CCDC178: variants seen among roughly 807,000 people sequenced by gnomAD.
CCDC178 encodes coiled-coil domain containing 178.
Under a neutral mutation model 117.4 loss-of-function variants are expected in CCDC178, and 126 were observed. That is an observed-to-expected ratio of 1.07 (90% CI 0.93 to 1.24). The LOEUF is 1.24. Ranked by LOEUF, CCDC178 falls within the 50% of genes most tolerant of loss-of-function variation. CCDC178 has a pLI of 0.00. For missense variants in CCDC178, 1,030 were observed against 986.9 expected, an observed-to-expected ratio of 1.04 and a Z score of -0.59; for synonymous variants, 283 against 313.4, an observed-to-expected ratio of 0.90 and a Z score of 1.02.
intron 2 of CCDC178, among the ~76,000 whole-genome samples, chr18:33,420,458 A>G (rs1052094570): frequency 3.3e-5 from 5 of 152,248 alleles, no homozygotes; most frequent in Admixed American, 3.3e-4. Flanking sequence ...GGTTCAAGCG[A>G]TTCTCATGCC....
At chr18:33,066,394 T>C (rs1342960436) in intron 21 of CCDC178, among the ~76,000 whole-genome samples, 1 of 151,866 alleles carries the variant, frequency 6.6e-6, no homozygotes, top group Non-Finnish European at 1.5e-5. Context: ...AACCCACAAA[T>C]TGTAAAGGTA....
chr18:32,978,882 C>CA (rs1440877457), intron 21 of CCDC178, among the ~76,000 whole-genome samples: 4 of 151,854 alleles, frequency 2.6e-5, no homozygotes, highest in Admixed American at 6.6e-5. Flanking sequence ...ACTAAAAATA[C>CA]AAAAATTAGC....
chr18:33,228,575 T>C (rs1568072439), intron 15 of CCDC178, among the ~76,000 whole-genome samples: 1 of 152,240 alleles, frequency 6.6e-6, no homozygotes, highest in Non-Finnish European at 1.5e-5. Flanking sequence ...ACTCAGCCTG[T>C]TACCAGTGGA....
chr18:33,300,913 C>T (rs979542692), intron 11 of CCDC178, among the ~76,000 whole-genome samples: 1 of 152,154 alleles, frequency 6.6e-6, no homozygotes, highest in African/African-American at 2.4e-5. Flanking sequence ...TGCAGAACAA[C>T]CACTTGCTAG....
At chr18:33,439,655 A>C (rs2064350307) in intron 2 of CCDC178, among the ~76,000 whole-genome samples, 1 of 152,194 alleles carries the variant, frequency 6.6e-6, no homozygotes, top group Non-Finnish European at 1.5e-5. Flanking sequence ...GGTGTTCTAA[A>C]ACCTATTACT....
chr18:33,219,004 T>C (rs2144612627), intron 18 of CCDC178, among the ~76,000 whole-genome samples: 1 of 152,312 alleles, frequency 6.6e-6, no homozygotes, highest in East Asian at 1.9e-4. Context: ...CATTGGTAGC[T>C]TGATGGGGAT....
chr18:33,292,247 A>C (rs1231920823), intron 12 of CCDC178, among the ~76,000 whole-genome samples: 1 of 152,208 alleles, frequency 6.6e-6, no homozygotes, highest in African/African-American at 2.4e-5. Context: ...AGCAATAAAA[A>C]GGAATGAATT....
intron 22 of CCDC178, among the ~76,000 whole-genome samples, chr18:32,960,289 C>T (rs373764882): frequency 1.3e-5 from 2 of 152,052 alleles, no homozygotes; most frequent in Non-Finnish European, 2.9e-5. Flanking sequence ...GTGAGAGAAT[C>T]AGAAAACAGG....
At chr18:33,292,408 C>T (rs2060178246) in intron 12 of CCDC178, among the ~76,000 whole-genome samples, 3 of 151,970 alleles carry the variant, frequency 2.0e-5, no homozygotes, top group African/African-American at 7.3e-5. Flanking sequence ...ACAGTGATAA[C>T]TAGAGACTAG....
At chr18:33,043,788 T>G (rs2056592886) in intron 21 of CCDC178, among the ~76,000 whole-genome samples, 1 of 151,916 alleles carries the variant, frequency 6.6e-6, no homozygotes, top group Non-Finnish European at 1.5e-5. Flanking sequence ...TTCTAGCAAT[T>G]ATATGTAAAT....
chr18:33,183,531 C>T (rs947417406), intron 20 of CCDC178, among the ~76,000 whole-genome samples: 2 of 151,954 alleles, frequency 1.3e-5, no homozygotes, highest in African/African-American at 2.4e-5. Flanking sequence ...GGTATGATTG[C>T]TAAAAATTAT....
At chr18:33,170,041 G>A (rs2058580031) in intron 20 of CCDC178, among the ~76,000 whole-genome samples, 1 of 151,606 alleles carries the variant, frequency 6.6e-6, no homozygotes, top group Admixed American at 6.6e-5. Context: ...ATGTTTTGTG[G>A]TATATCCCAG....
intron 20 of CCDC178, among the ~76,000 whole-genome samples, chr18:33,181,364 C>T (rs891762877): frequency 7.9e-5 from 12 of 151,836 alleles, no homozygotes; most frequent in African/African-American, 2.7e-4. Flanking sequence ...ATACTAACTT[C>T]CTTTAAAAGG....
At chr18:33,296,555 C>T (rs1454676594) in intron 11 of CCDC178, among the ~76,000 whole-genome samples, 1 of 152,112 alleles carries the variant, frequency 6.6e-6, no homozygotes, top group Non-Finnish European at 1.5e-5. Flanking sequence ...TATGTCTAAA[C>T]TCCTATGAGT....
chr18:33,321,552 CTA>C lies in CCDC178; in HGVS notation c.1022+1937_1022+1938del, dbSNP rs554471008. On this transcript the variant is annotated intron_variant, in intron 11 of 22. Coordinates refer to ENST00000383096, the MANE Select transcript of CCDC178 (RefSeq NM_001105528.4). ...ATTTAATTCAGAAGAAATGTAATAA[CTA>C]GAGTAAAATTTTTCTTAGTTCCTTT... Among the ~76,000 whole-genome samples the C allele has an allele frequency of 5.1e-4, 77 of 152,138 alleles. 1 individual carries two copies. Among genetic ancestry groups the C allele is most frequent in the African/African-American group, 1.8e-3 (74 of 41,526 alleles).
At chr18:33,431,042 T>C (rs2064210053) in intron 2 of CCDC178, among the ~76,000 whole-genome samples, 2 of 136,276 alleles carry the variant, frequency 1.5e-5, no homozygotes, top group Admixed American at 8.1e-5. Context: ...GCCACTGCAC[T>C]CCAGCCTGGG....
chr18:33,393,261 T>C (rs2063585951), intron 4 of CCDC178, among the ~76,000 whole-genome samples: 1 of 152,202 alleles, frequency 6.6e-6, no homozygotes, highest in African/African-American at 2.4e-5. Context: ...TTAGTATATA[T>C]TAATGTAAGT....
intron 18 of CCDC178, among the ~76,000 whole-genome samples, chr18:33,219,446 A>C (rs548523105): frequency 1.3e-5 from 2 of 152,302 alleles, no homozygotes; most frequent in South Asian, 4.1e-4. Flanking sequence ...AAAGGATTAT[A>C]AATCATGGTG....
chr18:33,147,955 C>T (rs1372846346), intron 20 of CCDC178, among the ~76,000 whole-genome samples: 1 of 151,790 alleles, frequency 6.6e-6, no homozygotes, highest in Admixed American at 6.6e-5. Flanking sequence ...GGCAGAGGCG[C>T]CCCCACCTCC....
Sources: allele counts gnomAD v4.1 joint callset (sites outside exome capture counted in the v4.1 genomes callset), GRCh38; gene constraint gnomAD v4.1.1; transcripts MANE v1.5; gene names NCBI Gene and HGNC (gene_info 2026-07-23, HGNC 2026-07-21).